Variants in RGS7 observed in about 807,000 individuals in gnomAD.
RGS7 encodes regulator of G-protein signaling 7.
In RGS7, 27 loss-of-function variants were observed where a neutral mutation model predicts 81.1. The ratio of observed to expected loss-of-function variants is 0.33; its 90% CI spans 0.25 to 0.46. RGS7 has a LOEUF of 0.46. RGS7 is among the 20% of genes least tolerant of loss of function. The pLI, the probability that RGS7 is intolerant of heterozygous loss-of-function variation, is 1.00. For synonymous variants in RGS7, 208 were observed against 207.7 expected (o/e 1.00, Z -0.01); for missense variants, 396 against 607.4 (o/e 0.65, Z 3.66).
chr1:240,786,787 T>A (rs1189093494), intron 18 of RGS7, among the ~76,000 whole-genome samples: 2 of 152,246 alleles, frequency 1.3e-5, no homozygotes, highest in Non-Finnish European at 2.9e-5. Context: ...TAAAATATAA[T>A]TTTTAACATT....
chr1:241,210,384 G>A (rs1009864393), intron 2 of RGS7, among the ~76,000 whole-genome samples: 8 of 152,078 alleles, frequency 5.3e-5, no homozygotes, highest in Admixed American at 3.3e-4. Context: ...TCCGGACCTC[G>A]TGATCCACCC....
intron 2 of RGS7, among the ~76,000 whole-genome samples, chr1:241,131,362 C>G (rs1349815577): frequency 2.0e-5 from 3 of 152,158 alleles, no homozygotes; most frequent in African/African-American, 4.8e-5. Flanking sequence ...GAGTTTGCAT[C>G]AGAATCACCA....
chr1:240,807,720 G>A (rs945307087), intron 14 of RGS7, among the ~76,000 whole-genome samples: 1 of 152,084 alleles, frequency 6.6e-6, no homozygotes. Context: ...CACAGATTTA[G>A]ACACTGTGCA....
intron 9 of RGS7, among the ~76,000 whole-genome samples, chr1:240,832,038 A>G (rs1248471311): frequency 6.6e-6 from 1 of 152,168 alleles, no homozygotes; most frequent in Non-Finnish European, 1.5e-5. Context: ...AATCTCGATG[A>G]GACCATGTTG....
rs377636187 is a variant in RGS7 at position 241,265,587 on chromosome 1, A to G, written c.78+90112T>C. On this transcript the variant is annotated intron_variant, in intron 2 of 18. Coordinates refer to ENST00000440928, the MANE Select transcript of RGS7 (RefSeq NM_001364886.1). The stretch of plus-strand genomic sequence containing the variant: ...GGGGACAGGGCTCCAAAGTTTACAT[A>G]GGTCAGACAAGCAAACTAAAGGAAG... 3.3e-4 allele frequency among the ~76,000 whole-genome samples: 51 copies of G among 152,272 alleles called. 1 individual carries two copies. The Middle Eastern group carries it at 0.01, about 30-fold the overall frequency.
rs113919993 is a variant in RGS7, at chr1:241,193,637, T to C, written c.79-94875A>G. Among the ~76,000 whole-genome samples, 303 of 152,338 alleles carry C rather than the reference T, an allele frequency of 2.0e-3. 2 individuals are homozygous for C. Among genetic ancestry groups the C allele is most frequent in the African/African-American group, 6.8e-3 (283 of 41,564 alleles). ...TCTTCATCATGCTTCTCCGGAAGGATCTAGAGTACTTATACAATTTGAGAA... is the reference window on the plus strand; with the variant it reads ...TCTTCATCATGCTTCTCCGGAAGGACCTAGAGTACTTATACAATTTGAGAA... On this transcript the variant is annotated intron_variant, in intron 2 of 18. Coordinates refer to ENST00000440928, the MANE Select transcript of RGS7 (RefSeq NM_001364886.1).
At chr1:241,188,598 C>T (rs752407287) in intron 2 of RGS7, among the ~76,000 whole-genome samples, 15 of 152,130 alleles carry the variant, frequency 9.9e-5, no homozygotes, top group Admixed American at 2.0e-4. Flanking sequence ...GATCCTCAGA[C>T]GTTTTACTAC....
At position 240,806,065 on chromosome 1, in the gene RGS7, G is replaced by A. The variant is rs534328905; in HGVS notation, c.1269+75C>T. On this transcript the variant is annotated intron_variant, in intron 15 of 18. Transcript: ENST00000440928. ...GTTAGAAATAGCTGCCATTTAGAAT[G>A]AAAATAAAATGAATACATCTAACGC... 23 of 1,294,688 alleles carry A rather than the reference G, an allele frequency of 1.8e-5. No individual in the cohort carries two copies. The South Asian group carries it at 1.8e-4, about 10-fold the overall frequency. The allele number at this position is 1,294,688 out of a possible 1,614,324, so 80.2% of individuals were successfully genotyped here.
At chr1:240,808,074 C>T (rs1273789599) in intron 14 of RGS7, among the ~76,000 whole-genome samples, 4 of 150,090 alleles carry the variant, frequency 2.7e-5, no homozygotes, top group East Asian at 1.9e-4. Context: ...ACGCATAATC[C>T]GAGGGAGCAG....
At position 240,788,864 on chromosome 1, in the gene RGS7, G is replaced by A. The variant is rs1296900945; in HGVS notation, c.*6+11777C>T. ...AGAAAAATAATGAAGTAGGCAGGGT[G>A]TGGTGGTTCACGCCTGTAATCCCAG... On this transcript the variant is annotated intron_variant, in intron 18 of 18. Coordinates refer to ENST00000440928, the MANE Select transcript of RGS7 (RefSeq NM_001364886.1). 2.6e-5 allele frequency among the ~76,000 whole-genome samples: 4 copies of A among 152,182 alleles called. No homozygotes were observed. The East Asian group carries it at 7.7e-4, about 29-fold the overall frequency.
intron 2 of RGS7, among the ~76,000 whole-genome samples, chr1:241,226,026 C>T (rs1315427032): frequency 1.3e-5 from 2 of 152,144 alleles, no homozygotes; most frequent in African/African-American, 4.8e-5. Context: ...TACACACAAT[C>T]AAGAGGGCAC....
intron 2 of RGS7, among the ~76,000 whole-genome samples, chr1:241,112,237 T>C (rs1166130791): frequency 6.6e-5 from 10 of 152,134 alleles, no homozygotes; most frequent in African/African-American, 2.4e-4. Flanking sequence ...GAAATGTTAC[T>C]TAAGTAATTT....
chr1:240,913,559 T>A (rs1274942249), intron 6 of RGS7, among the ~76,000 whole-genome samples: 1 of 152,206 alleles, frequency 6.6e-6, no homozygotes, highest in East Asian at 1.9e-4. Flanking sequence ...ACTGTCGTAT[T>A]AGGTAAATGG....
intron 2 of RGS7, among the ~76,000 whole-genome samples, chr1:241,208,849 A>G (rs569683271): frequency 3.3e-4 from 50 of 152,260 alleles, no homozygotes; most frequent in African/African-American, 1.2e-3. Flanking sequence ...ATTAATAGAG[A>G]GATAGCCAGG....
intron 5 of RGS7, among the ~76,000 whole-genome samples, chr1:240,931,368 C>T (rs1385522026): frequency 1.3e-5 from 2 of 152,072 alleles, no homozygotes; most frequent in South Asian, 2.1e-4. Context: ...ACCATTTAGT[C>T]GTGCAACAGG....
At chr1:241,252,897 G>A (rs985527741) in intron 2 of RGS7, among the ~76,000 whole-genome samples, 18 of 152,082 alleles carry the variant, frequency 1.2e-4, no homozygotes, top group Admixed American at 5.9e-4. Context: ...CCTTATCCTC[G>A]GACTTGCTTC....
At chr1:240,857,941 C>A (rs374163399) in intron 9 of RGS7, among the ~76,000 whole-genome samples, 9 of 152,094 alleles carry the variant, frequency 5.9e-5, no homozygotes, top group Admixed American at 4.6e-4. Flanking sequence ...TGCCCTTCTC[C>A]GTGCTACCAC....
chr1:240,811,880 A>G (rs760394289), intron 14 of RGS7, 38 bp downstream of exon 14: 2 of 1,554,216 alleles, frequency 1.3e-6, no homozygotes, highest in Non-Finnish European at 1.8e-6. Context: ...CACAGACAGT[A>G]TTTCTCTGGC....
chr1:241,102,854 T>TA (rs1253451226), intron 2 of RGS7, among the ~76,000 whole-genome samples: 1 of 151,944 alleles, frequency 6.6e-6, no homozygotes, highest in Admixed American at 6.6e-5. Context: ...CAAGTCCACA[T>TA]AAAAAAACAC....
Sources: gnomAD v4.1 joint callset for allele counts (sites outside exome capture counted in the v4.1 genomes callset) on GRCh38, gnomAD v4.1.1 for gene constraint, MANE v1.5 for transcripts, NCBI Gene and HGNC (gene_info 2026-07-23, HGNC 2026-07-21) for gene names.